The following PRKG1 variants were observed in gnomAD, a reference collection of about 807,000 sequenced individuals.
PRKG1 encodes protein kinase cGMP-dependent 1, also known as cGMP-dependent protein kinase 1.
A neutral mutation model predicts 88.1 loss-of-function variants in PRKG1; 35 were observed. The ratio of observed to expected loss-of-function variants is 0.40; its 90% CI spans 0.30 to 0.53. PRKG1 has a LOEUF of 0.53. Ranked by LOEUF, PRKG1 falls within the 20% of genes least tolerant of loss-of-function variation. The pLI, the probability that PRKG1 is intolerant of heterozygous loss-of-function variation, is 0.59. For missense variants in PRKG1, 540 were observed against 839.8 expected (o/e 0.64, Z 4.41); for synonymous variants, 303 against 292.5 (o/e 1.04, Z -0.37).
At chr10:52,287,359 A>AT (rs920196335) in intron 14 of PRKG1, among the ~76,000 whole-genome samples, 36 of 152,180 alleles carry the variant, frequency 2.4e-4, no homozygotes, top group African/African-American at 7.9e-4. Flanking sequence ...AATAGAAAGC[A>AT]TTTTTCACAG....
intron 9 of PRKG1, among the ~76,000 whole-genome samples, chr10:52,170,399 G>T: frequency 6.6e-6 from 1 of 152,142 alleles, no homozygotes; most frequent in East Asian, 1.9e-4. Context: ...AAACAAGAAA[G>T]ATGTATCTAT....
At chr10:51,362,161 G>T (rs1244033829) in intron 2 of PRKG1, among the ~76,000 whole-genome samples, 1 of 151,800 alleles carries the variant, frequency 6.6e-6, no homozygotes, top group South Asian at 2.1e-4. Context: ...TTGAGACAGG[G>T]TCTCACTCTG....
In PRKG1 at chr10:51,515,261, A is replaced by G. The variant is rs1457692429; in HGVS notation, c.592+47425A>G. ...TATTTCGTTCACAAGTCATTCAAAG[A>G]CAATACCATTTATAGTACTGACACC... On this transcript the variant is annotated intron_variant, in intron 3 of 17. Transcript: ENST00000373980. Among the ~76,000 whole-genome samples, 6 of 152,222 alleles carry G rather than the reference A, an allele frequency of 3.9e-5. No homozygotes were observed. The South Asian group carries it at 1.2e-3, about 31-fold the overall frequency.
intron 2 of PRKG1, among the ~76,000 whole-genome samples, chr10:51,181,489 C>T (rs1233793711): frequency 1.3e-5 from 2 of 151,802 alleles, no homozygotes; most frequent in African/African-American, 4.8e-5. Context: ...GATCCACCCG[C>T]CTCGGCCTCC....
At chr10:51,584,275 T>C (rs1838117665) in intron 3 of PRKG1, among the ~76,000 whole-genome samples, 1 of 152,088 alleles carries the variant, frequency 6.6e-6, no homozygotes, top group African/African-American at 2.4e-5. Flanking sequence ...AAAGTGATTT[T>C]TAAATGCCTA....
intron 3 of PRKG1, among the ~76,000 whole-genome samples, chr10:51,740,146 G>T (rs1363888283): frequency 2.0e-5 from 3 of 152,056 alleles, no homozygotes; most frequent in African/African-American, 7.2e-5. Context: ...CCCCATCTCA[G>T]CATCCTGGGT....
chr10:52,130,504 A>G (rs1837224280), intron 7 of PRKG1, among the ~76,000 whole-genome samples: 1 of 152,238 alleles, frequency 6.6e-6, no homozygotes. Flanking sequence ...TGTATTTATT[A>G]TATTTTTAAA....
chr10:51,363,796 T>A (rs1391514180), intron 2 of PRKG1, among the ~76,000 whole-genome samples: 1 of 151,958 alleles, frequency 6.6e-6, no homozygotes, highest in Non-Finnish European at 1.5e-5. Context: ...TGGAGCTCTC[T>A]GCCCTTCTCT....
intron 4 of PRKG1, among the ~76,000 whole-genome samples, chr10:51,831,591 A>T (rs1564665683): frequency 6.6e-6 from 1 of 152,154 alleles, no homozygotes; most frequent in African/African-American, 2.4e-5. Context: ...CCAAGACCCA[A>T]GTTACTCATA....
In PRKG1 at chr10:51,729,350, G is replaced by T. The variant is rs537770977; in HGVS notation, c.593-75235G>T. ...TAGGGTTTATTATCTCTAGTGGAAA[G>T]GTGAAAAGATAGCTTGCCTTTTATT... On this transcript the variant is annotated intron_variant, in intron 3 of 17. Transcript: ENST00000373980. Among the ~76,000 whole-genome samples, 28 of 152,266 alleles carry T rather than the reference G, an allele frequency of 1.8e-4. No individual in the cohort carries two copies. The South Asian group carries it at 4.8e-3, about 26-fold the overall frequency.
intron 4 of PRKG1, among the ~76,000 whole-genome samples, chr10:51,899,671 G>GTATATATATATATATATATATATATA (rs57320165): frequency 1.6e-3 from 187 of 120,280 alleles, no homozygotes; most frequent in African/African-American, 2.6e-3. Context: ...AAAGAAAAAT[G>GTATATATATATATATATATATATATA]TATATATATA....
intron 3 of PRKG1, among the ~76,000 whole-genome samples, chr10:51,474,190 A>G (rs1335894288): frequency 6.6e-6 from 1 of 151,960 alleles, no homozygotes; most frequent in Non-Finnish European, 1.5e-5. Context: ...TAAAGCAGTT[A>G]AACAATTAGG....
intron 5 of PRKG1, among the ~76,000 whole-genome samples, chr10:51,983,154 G>A (rs1381856089): frequency 3.3e-5 from 5 of 152,140 alleles, no homozygotes; most frequent in Admixed American, 1.3e-4. Flanking sequence ...CAAGGGTGGG[G>A]CACTGGCAGG....
intron 7 of PRKG1, among the ~76,000 whole-genome samples, chr10:52,084,221 G>A (rs1846853742): frequency 6.6e-6 from 1 of 151,980 alleles, no homozygotes; most frequent in Non-Finnish European, 1.5e-5. Context: ...TCTTACTGCT[G>A]TAATACTTAA....
intron 3 of PRKG1, among the ~76,000 whole-genome samples, chr10:51,771,195 T>A (rs138003517): frequency 1.3e-5 from 2 of 152,180 alleles, no homozygotes. Context: ...AATCAATGTA[T>A]CTAAAGCTAG....
intron 2 of PRKG1, chr10:51,319,889 G>A (rs778410580): frequency 2.5e-4 from 41 of 163,124 alleles, no homozygotes; most frequent in Admixed American, 2.5e-3. Flanking sequence ...GCCAGGAAGT[G>A]GACAGGGTGA....
chr10:51,571,959 G>T (rs1214501739), intron 3 of PRKG1, among the ~76,000 whole-genome samples: 1 of 151,732 alleles, frequency 6.6e-6, no homozygotes, highest in African/African-American at 2.4e-5. Flanking sequence ...TGTGAGAGTG[G>T]AGAGAGAAAA....
At chr10:52,180,300 C>T (rs2132726333) in intron 9 of PRKG1, among the ~76,000 whole-genome samples, 1 of 152,288 alleles carries the variant, frequency 6.6e-6, no homozygotes, top group African/African-American at 2.4e-5. Context: ...ATTTCTCATT[C>T]AAATCATGAA....
intron 2 of PRKG1, among the ~76,000 whole-genome samples, chr10:51,159,539 A>T (rs951987192): frequency 6.6e-6 from 1 of 152,200 alleles, no homozygotes; most frequent in African/African-American, 2.4e-5. Context: ...ACACCTGATT[A>T]TAAGAGGTTA....
Sources: allele counts gnomAD v4.1 joint callset (sites outside exome capture counted in the v4.1 genomes callset), GRCh38; gene constraint gnomAD v4.1.1; transcripts MANE v1.5; gene names NCBI Gene and HGNC (gene_info 2026-07-23, HGNC 2026-07-21).